Variants in ZBTB7C observed in about 807,000 individuals in gnomAD.
ZBTB7C encodes zinc finger and BTB domain containing 7C.
A neutral mutation model predicts 25.7 loss-of-function variants in ZBTB7C; 8 were observed. The ratio of observed to expected loss-of-function variants is 0.31; its 90% confidence interval spans 0.18 to 0.56. The LOEUF is 0.56. Ranked by LOEUF, ZBTB7C falls within the 20% of genes least tolerant of loss-of-function variation. ZBTB7C has a pLI of 0.91. For synonymous variants in ZBTB7C, 394 were observed against 369.0 expected (o/e 1.07, Z -0.78); for missense variants, 824 against 855.2 (o/e 0.96, Z 0.46).
At chr18:48,209,755 T>C (rs2042660651) in intron 2 of ZBTB7C, among the ~76,000 whole-genome samples, 1 of 145,624 alleles carries the variant, frequency 6.9e-6, no homozygotes, top group African/African-American at 2.5e-5. Flanking sequence ...ATCTTGTCTC[T>C]TAAAAAAAAA....
intron 2 of ZBTB7C, among the ~76,000 whole-genome samples, chr18:48,228,211 G>A (rs1356600710): frequency 1.3e-5 from 2 of 152,178 alleles, no homozygotes; most frequent in African/African-American, 4.8e-5. Context: ...AGTCCCAAGA[G>A]TGATAACCAA....
intron 2 of ZBTB7C, among the ~76,000 whole-genome samples, chr18:48,302,226 G>A (rs2045561529): frequency 6.6e-6 from 1 of 152,174 alleles, no homozygotes; most frequent in Non-Finnish European, 1.5e-5. Context: ...GGACACACAG[G>A]CCAGTGAGGA....
At chr18:48,208,599 T>C (rs564911067) in intron 2 of ZBTB7C, among the ~76,000 whole-genome samples, 19 of 152,070 alleles carry the variant, frequency 1.2e-4, no homozygotes, top group Non-Finnish European at 2.6e-4. Flanking sequence ...GCAGGCTCCT[T>C]AAGATTTCCA....
At position 48,029,344 on chromosome 18, in the gene ZBTB7C, G is replaced by A. The variant is rs1369125835; in HGVS notation, c.1776C>T (p.Pro592=). The A allele has an allele frequency of 1.3e-6, 2 of 1,543,822 alleles. No individual in the cohort carries two copies. The highest frequency in any genetic ancestry group is 8.7e-7 in the Non-Finnish European group (1 of 1,149,760). The change falls in exon 5 of 5, where the codon CCC becomes CCT. Residue 592 remains proline (P), a synonymous_variant. Coordinates refer to ENST00000590800, the MANE Select transcript of ZBTB7C (RefSeq NM_001318841.2). The part of the protein sequence containing the change: ...VAAARPYFPL[P]DPWAAGLAGL... ...CGGCCAGGCCGGCGGCCCAAGGGTC[G>A]GGCAGCGGGAAGTAGGGCCGCGCCG... is the stretch of plus-strand genomic sequence containing the variant.
chr18:48,323,911 T>A (rs1039564188), intron 2 of ZBTB7C, among the ~76,000 whole-genome samples: 14 of 152,142 alleles, frequency 9.2e-5, no homozygotes, highest in African/African-American at 3.4e-4. Flanking sequence ...CTAATCGCAA[T>A]GGTGATGGGA....
chr18:48,034,845 A>G (rs2035905832), intron 4 of ZBTB7C, among the ~76,000 whole-genome samples: 1 of 152,168 alleles, frequency 6.6e-6, no homozygotes, highest in Non-Finnish European at 1.5e-5. Context: ...TCGTCGGGAA[A>G]GTCATGTGAG....
intron 3 of ZBTB7C, among the ~76,000 whole-genome samples, chr18:48,170,463 G>T (rs930928744): frequency 8.5e-5 from 13 of 152,220 alleles, no homozygotes; most frequent in Admixed American, 1.3e-4. Context: ...GGATTTGAGG[G>T]GAGGCAGAGA....
chr18:48,300,200 C>T (rs1196090382), intron 2 of ZBTB7C, among the ~76,000 whole-genome samples: 5 of 152,104 alleles, frequency 3.3e-5, no homozygotes, highest in Non-Finnish European at 5.9e-5. Context: ...CAGACTCCCT[C>T]GGGGTGGGGT....
At chr18:48,116,401 C>A (rs1210536910) in intron 3 of ZBTB7C, among the ~76,000 whole-genome samples, 1 of 152,220 alleles carries the variant, frequency 6.6e-6, no homozygotes, top group Non-Finnish European at 1.5e-5. Context: ...TAATTAGCAG[C>A]CTCTTCCCAG....
chr18:48,155,704 G>A (rs370960888), intron 3 of ZBTB7C, among the ~76,000 whole-genome samples: 2 of 152,210 alleles, frequency 1.3e-5, no homozygotes, highest in South Asian at 2.1e-4. Flanking sequence ...CCTTCTCAGT[G>A]CTATGACATT....
rs149886139 is a variant in ZBTB7C, at chr18:48,265,746, T to C, written c.-79+72428A>G. 4.8e-3 allele frequency among the ~76,000 whole-genome samples: 725 copies of C among 152,342 alleles called. 4 individuals carry two copies. Among genetic ancestry groups the C allele is most frequent in the African/African-American group, 0.016 (661 of 41,586 alleles). On this transcript the variant is annotated intron_variant, in intron 2 of 4. Coordinates refer to ENST00000590800, the MANE Select transcript of ZBTB7C (RefSeq NM_001318841.2). ...GGGCACTTACAAAATAACTGGCCTGTATTCAACAAAATAGCATTCAGTCCA... is the reference window on the plus strand; with the variant it reads ...GGGCACTTACAAAATAACTGGCCTGCATTCAACAAAATAGCATTCAGTCCA...
intron 3 of ZBTB7C, among the ~76,000 whole-genome samples, chr18:48,063,001 G>A (rs1190423973): frequency 6.6e-6 from 1 of 152,206 alleles, no homozygotes; most frequent in Non-Finnish European, 1.5e-5. Context: ...GATGGAGAAA[G>A]TCTGTGACTC....
In ZBTB7C at chr18:48,332,532, T is replaced by C. The variant is rs145136409; in HGVS notation, c.-79+5642A>G. The stretch of plus-strand genomic sequence containing the variant: ...CAAAGTTATATTATATTCTAGAATT[T>C]GGTTCTAAATACATCTATAACCCAG... On this transcript the variant is annotated intron_variant, in intron 2 of 4. Transcript: ENST00000590800. 7.2e-4 allele frequency among the ~76,000 whole-genome samples: 110 copies of C among 152,288 alleles called. 1 individual carries two copies. The highest frequency in any genetic ancestry group is 2.6e-3 in the African/African-American group (107 of 41,582).
intron 3 of ZBTB7C, among the ~76,000 whole-genome samples, chr18:48,064,021 G>A (rs1391586675): frequency 6.6e-6 from 1 of 152,160 alleles, no homozygotes; most frequent in South Asian, 2.1e-4. Flanking sequence ...ACACAAAGTT[G>A]TATAATTATA....
chr18:48,336,807 G>A (rs1411304845), intron 2 of ZBTB7C, among the ~76,000 whole-genome samples: 1 of 152,036 alleles, frequency 6.6e-6, no homozygotes, highest in Admixed American at 6.5e-5. Flanking sequence ...GCCCTGCCCA[G>A]GTCCCCAGCC....
rs113449875 is a variant in ZBTB7C at position 48,317,373 on chromosome 18, G to A, written c.-79+20801C>T. Among the ~76,000 whole-genome samples the A allele has an allele frequency of 4.4e-4, 67 of 152,164 alleles. 1 individual carries two copies. Among genetic ancestry groups the A allele is most frequent in the African/African-American group, 1.5e-3 (62 of 41,508 alleles). On this transcript the variant is annotated intron_variant, in intron 2 of 4. Transcript: ENST00000590800. ...CCAAAGCTAAAGCCTTTAGTGGAGC[G>A]GGATCTTCAACTTGTGCCTCAGCTC...
Position 48,080,346 on chromosome 18 carries a change from C to T in ZBTB7C, c.-16-39223G>A, listed in dbSNP as rs544086575. On this transcript the variant is annotated intron_variant, in intron 3 of 4. Coordinates refer to ENST00000590800, the MANE Select transcript of ZBTB7C (RefSeq NM_001318841.2). ...AAGCGACACGGCATTTGGGTGTTCA[C>T]TTGTACCCTCTCATTTCACATCCTT... Among the ~76,000 whole-genome samples, 11 of 152,320 alleles carry T rather than the reference C, an allele frequency of 7.2e-5. No individual in the cohort carries two copies. In the South Asian group the frequency reaches 2.1e-3, roughly 29 times the overall value.
chr18:48,255,834 G>A (rs1236846930), intron 2 of ZBTB7C, among the ~76,000 whole-genome samples: 2 of 152,042 alleles, frequency 1.3e-5, no homozygotes, highest in Non-Finnish European at 2.9e-5. Context: ...TTTTTCAGAT[G>A]AAAAATACAC....
chr18:48,248,610 C>T (rs2043762376), intron 2 of ZBTB7C, among the ~76,000 whole-genome samples: 1 of 151,902 alleles, frequency 6.6e-6, no homozygotes, highest in African/African-American at 2.4e-5. Flanking sequence ...TATGTTTTTG[C>T]TTATTGTCTC....
Sources: allele counts gnomAD v4.1 joint callset (sites outside exome capture counted in the v4.1 genomes callset), GRCh38; gene constraint gnomAD v4.1.1; transcripts MANE v1.5; gene names NCBI Gene and HGNC (gene_info 2026-07-23, HGNC 2026-07-21).